The following TPH1 variants were observed in gnomAD, a reference collection of about 807,000 sequenced individuals.
TPH1 encodes tryptophan 5-hydroxylase 1.
TPH1 carries 37 observed loss-of-function variants against 49.5 expected under a neutral mutation model. That is an observed-to-expected ratio of 0.75 (90% CI 0.58 to 0.98). TPH1 has a LOEUF of 0.98. Among genes scored for constraint, TPH1 ranks in the 50% least tolerant of loss-of-function variants. The pLI is 0.00. For missense variants in TPH1, 487 were observed against 523.6 expected, an observed-to-expected ratio of 0.93 and a Z score of 0.68; for synonymous variants, 160 against 182.1, an observed-to-expected ratio of 0.88 and a Z score of 0.98.
intron 1 of TPH1, 56 bp from the exon 2 acceptor site, chr11:18,040,844 A>G: frequency 1.3e-6 from 2 of 1,507,704 alleles, no homozygotes; most frequent in Non-Finnish European, 1.8e-6. Context: ...AATGCAGACA[A>G]TATTTGATAA....
intron 1 of TPH1, among the ~76,000 whole-genome samples, chr11:18,045,319 T>C (rs1330636751): frequency 6.6e-6 from 1 of 152,158 alleles, no homozygotes; most frequent in Non-Finnish European, 1.5e-5. Context: ...TGAAAAACAG[T>C]ATTCTAGGAA....
chr11:18,042,611 T>C (rs1351304663), intron 1 of TPH1, among the ~76,000 whole-genome samples: 2 of 152,180 alleles, frequency 1.3e-5, no homozygotes, highest in Admixed American at 6.5e-5. Context: ...ATTAAACATA[T>C]ATAAACTTAT....
chr11:18,043,621 CA>C (rs1848117028), intron 1 of TPH1, among the ~76,000 whole-genome samples: 1 of 133,470 alleles, frequency 7.5e-6, no homozygotes, highest in African/African-American at 3.9e-5. Flanking sequence ...AAAACAAAAA[CA>C]AACAAACAAC....
intron 1 of TPH1, among the ~76,000 whole-genome samples, chr11:18,045,580 A>T (rs1226493939): frequency 6.6e-6 from 1 of 152,032 alleles, no homozygotes; most frequent in East Asian, 1.9e-4. Flanking sequence ...CATCAATGAG[A>T]AGTTCATTTT....
At chr11:18,028,061 A>AATCTGCTGAGATT (rs1283165097) in intron 6 of TPH1, among the ~76,000 whole-genome samples, 1 of 152,228 alleles carries the variant, frequency 6.6e-6, no homozygotes, top group Non-Finnish European at 1.5e-5. Flanking sequence ...CCACTATGGT[A>AATCTGCTGAGATT]ATCTGCTGAG....
intron 4 of TPH1, among the ~76,000 whole-genome samples, chr11:18,032,520 C>G (rs1848000477): frequency 1.4e-5 from 2 of 144,848 alleles, no homozygotes; most frequent in Non-Finnish European, 3.0e-5. Flanking sequence ...TGGAGGTCTA[C>G]TAACACTTGT....
At chr11:18,023,800 A>G in intron 9 of TPH1, 88 bp downstream of exon 9, 1 of 932,216 alleles carries the variant, frequency 1.1e-6, no homozygotes. Flanking sequence ...GTTCCATAGT[A>G]AGCTCTTGTT....
intron 3 of TPH1, among the ~76,000 whole-genome samples, chr11:18,034,828 C>T (rs1352942796): frequency 6.6e-6 from 1 of 152,036 alleles, no homozygotes; most frequent in East Asian, 1.9e-4. Context: ...ACCTGAGTAT[C>T]TGAAACTTCA....
intron 6 of TPH1, 62 bp downstream of exon 6, chr11:18,029,103 A>AAAAG (rs1847957260): frequency 9.3e-7 from 1 of 1,070,358 alleles, no homozygotes; most frequent in Non-Finnish European, 1.4e-6. Flanking sequence ...AAAAAAAAAA[A>AAAAG]TGCTGTCATG....
intron 1 of TPH1, among the ~76,000 whole-genome samples, chr11:18,044,276 G>C (rs949098352): frequency 1.3e-5 from 2 of 151,972 alleles, no homozygotes; most frequent in Non-Finnish European, 2.9e-5. Flanking sequence ...ACAAAAATTG[G>C]CTGGGTGTGG....
At chr11:18,043,757 T>C (rs1259264596) in intron 1 of TPH1, among the ~76,000 whole-genome samples, 1 of 152,102 alleles carries the variant, frequency 6.6e-6, no homozygotes. Flanking sequence ...TCCCAGCTAC[T>C]AGGGAGGCTG....
intron 4 of TPH1, among the ~76,000 whole-genome samples, chr11:18,032,807 A>G (rs1456259324): frequency 6.6e-6 from 1 of 151,738 alleles, no homozygotes; most frequent in Admixed American, 6.6e-5. Flanking sequence ...CGGCCTCCCA[A>G]AGTGCTGGGC....
chr11:18,040,605 T>C (rs1276451884), intron 2 of TPH1, 41 bp downstream of exon 2: 2 of 1,580,738 alleles, frequency 1.3e-6, no homozygotes, highest in East Asian at 2.3e-5. Context: ...TAGAGATTCA[T>C]TTCTAGAAGA....
chr11:18,042,844 T>G (rs1176114157), intron 1 of TPH1, among the ~76,000 whole-genome samples: 1 of 152,250 alleles, frequency 6.6e-6, no homozygotes, highest in Non-Finnish European at 1.5e-5. Context: ...GGTTAACATA[T>G]TTCTTACAAT....
chr11:18,032,768 G>C (rs981634687), intron 4 of TPH1, among the ~76,000 whole-genome samples: 2 of 151,366 alleles, frequency 1.3e-5, no homozygotes, highest in African/African-American at 4.9e-5. Flanking sequence ...GGATGATCTC[G>C]ATCTCCTGAC....
intron 1 of TPH1, among the ~76,000 whole-genome samples, 177 bp downstream of exon 1, chr11:18,046,064 G>A (rs1174362656): frequency 6.6e-6 from 1 of 152,176 alleles, no homozygotes; most frequent in Non-Finnish European, 1.5e-5. Flanking sequence ...CAAACAGCGT[G>A]GGAGGAAAGA....
chr11:18,026,700 G>C, intron 6 of TPH1, 75 bp from the exon 7 acceptor site: 2 of 1,560,384 alleles, frequency 1.3e-6, no homozygotes. Context: ...AGTTCTGCTA[G>C]TGGCACCAAG....
rs1249032475 is a variant in TPH1, at chr11:18,020,655, T to C, written c.*336A>G. On this transcript the variant is annotated 3_prime_UTR_variant, in exon 11 of 11. Coordinates refer to ENST00000682019, the MANE Select transcript of TPH1 (RefSeq NM_004179.3). The stretch of plus-strand genomic sequence containing the variant: ...AAAGGGTCATTTTACTCAAGGAGGA[T>C]TGGGGAAAATAGAGTTAGGCTGAGA... 1 of 274,852 alleles carries C rather than the reference T, an allele frequency of 3.6e-6. No homozygotes were observed. Among genetic ancestry groups the C allele is most frequent in the Non-Finnish European group, 7.1e-6 (1 of 141,236 alleles). 17.0% of individuals were successfully genotyped at this position (274,852 alleles called of 1,614,324 possible).
intron 8 of TPH1, among the ~76,000 whole-genome samples, chr11:18,025,182 G>A (rs1847916024): frequency 6.6e-6 from 1 of 151,982 alleles, no homozygotes. Context: ...CTTTTTATTG[G>A]AAAATAAAAG....
Sources: gnomAD v4.1 joint callset for allele counts (sites outside exome capture counted in the v4.1 genomes callset) on GRCh38, gnomAD v4.1.1 for gene constraint, MANE v1.5 for transcripts, NCBI Gene and HGNC (gene_info 2026-07-23, HGNC 2026-07-21) for gene names.